DAZAP1: variants seen among roughly 807,000 people sequenced by gnomAD.
DAZAP1 encodes the protein DAZ associated protein 1.
Under a neutral mutation model 60.1 loss-of-function variants are expected in DAZAP1, and 6 were observed. The ratio of observed to expected loss-of-function variants is 0.10; its 90% CI spans 0.05 to 0.20. The LOEUF (loss-of-function observed/expected upper bound fraction) is 0.20. Ranked by LOEUF, DAZAP1 falls within the 10% of genes least tolerant of loss-of-function variation. The pLI, the probability that DAZAP1 is intolerant of heterozygous loss-of-function variation, is 1.00. For missense variants in DAZAP1, 366 were observed against 560.4 expected (o/e 0.65, Z 3.50); for synonymous variants, 235 against 215.9 (o/e 1.09, Z -0.78).
chr19:1,429,147 G>A (rs929804635), intron 8 of DAZAP1, 152 bp downstream of exon 8: 23 of 1,086,782 alleles, frequency 2.1e-5, no homozygotes, highest in South Asian at 7.5e-5. Flanking sequence ...GCGAGGTGCC[G>A]GCTGACAGCC....
chr19:1,434,609 C>A lies in DAZAP1; in HGVS notation c.1049-128C>A. ...GCCCAGGTGCTGGCCTCAGAAGGGC[C>A]CCACCCGCACCCCGTGGGACCCGTG... On this transcript the variant is annotated intron_variant, in intron 11 of 11. Transcript: ENST00000233078. The surrounding 1 kb of genome is among the most constrained non-coding windows in gnomAD (Gnocchi z 8.0). 1 of 939,990 alleles carries A rather than the reference C, an allele frequency of 1.1e-6. No homozygotes were observed. Among genetic ancestry groups the A allele is most frequent in the Non-Finnish European group, 1.6e-6 (1 of 623,790 alleles). The allele number at this position is 939,990 out of a possible 1,614,324, so 58.2% of individuals were successfully genotyped here. A position where few individuals can be genotyped will look rare whatever the true frequency, so the allele number is the denominator to read the frequency against.
At position 1,433,414 on chromosome 19, in the gene DAZAP1, G is replaced by A. The variant is rs2083505856; in HGVS notation, c.1048+724G>A. On this transcript the variant is annotated intron_variant, in intron 11 of 11. Transcript: ENST00000233078. This position sits in a 1 kb window ranked among gnomAD's most constrained non-coding sequence, Gnocchi z 6.1. ...CACAAGCAGGGTTTGAGAACATGGG[G>A]CACCTGTCTGCAGGTGGCCACGGGC... 2.7e-6 allele frequency: 1 copy of A among 367,840 alleles called. No individual in the cohort carries two copies. The highest frequency in any genetic ancestry group is 5.1e-6 in the Non-Finnish European group (1 of 196,222). The allele number at this position is 367,840 out of a possible 1,614,324, so 22.8% of individuals were successfully genotyped here.
rs183832974 is a variant in DAZAP1 at position 1,410,946 on chromosome 19, C to T, written c.29+3144C>T. 1.3e-3 allele frequency among the ~76,000 whole-genome samples: 201 copies of T among 152,314 alleles called. 2 individuals are homozygous for T. The highest frequency in any genetic ancestry group is 2.3e-3 in the Non-Finnish European group (159 of 68,020). Reference sequence around the variant, plus strand: ...CTTCGAGGATACCCAGGACTGTGGCCGGGGGCCATGCAGCTCAGAGCCAGG... The same window carrying T: ...CTTCGAGGATACCCAGGACTGTGGCTGGGGGCCATGCAGCTCAGAGCCAGG... On this transcript the variant is annotated intron_variant, in intron 1 of 11. Transcript: ENST00000233078.
chr19:1,420,982 TCAG>T (rs1479373006), intron 4 of DAZAP1, among the ~76,000 whole-genome samples, 163 bp from the exon 5 acceptor site: 1 of 152,220 alleles, frequency 6.6e-6, no homozygotes, highest in Non-Finnish European at 1.5e-5. Context: ...AGAAAGTGTC[TCAG>T]CAGAGCCCAG....
Position 1,434,356 on chromosome 19 carries a change from C to T in DAZAP1, c.1049-381C>T, listed in dbSNP as rs980268549. The T allele has an allele frequency of 6.4e-5, 14 of 218,886 alleles. No homozygotes were observed. The highest frequency in any genetic ancestry group is 1.1e-4 in the Admixed American group (2 of 18,810). 13.6% of individuals were successfully genotyped at this position (218,886 alleles called of 1,614,324 possible). Reference sequence around the variant, plus strand: ...GCCCGTCAGGGGTTTTCTGAAACTCCGAGAGCCAGCTTTCTAGAAGCCTGG... The same window carrying T: ...GCCCGTCAGGGGTTTTCTGAAACTCTGAGAGCCAGCTTTCTAGAAGCCTGG... On this transcript the variant is annotated intron_variant, in intron 11 of 11. Transcript: ENST00000233078. This position sits in a 1 kb window ranked among gnomAD's most constrained non-coding sequence, Gnocchi z 8.0.
rs1338771527 is a variant in DAZAP1 at position 1,422,404 on chromosome 19, C to T, written c.463+8C>T. 6.2e-7 allele frequency: 1 copy of T among 1,613,592 alleles called. No homozygotes were observed. Among genetic ancestry groups the T allele is most frequent in the Admixed American group, 1.7e-5 (1 of 60,000 alleles). ...AGAAGCAGAGGCCCCGAGGTAAGGG[C>T]AGATCTAGTTTGACCTCGGCCTTCT... On this transcript the variant is annotated splice_region_variant and intron_variant, in intron 6 of 11. Transcript: ENST00000233078. The surrounding 1 kb of genome is among the most constrained non-coding windows in gnomAD (Gnocchi z 4.5).
At chr19:1,424,876 G>A (rs1238034281) in intron 6 of DAZAP1, among the ~76,000 whole-genome samples, 1 of 152,176 alleles carries the variant, frequency 6.6e-6, no homozygotes, top group Non-Finnish European at 1.5e-5. Context: ...AGGACGGTGT[G>A]CTTTGCGGTG....
intron 5 of DAZAP1, among the ~76,000 whole-genome samples, chr19:1,421,823 G>A (rs1473407596): frequency 6.6e-6 from 1 of 152,210 alleles, no homozygotes; most frequent in Non-Finnish European, 1.5e-5. Flanking sequence ...CCTGAGTACT[G>A]CGCACGTTCA....
In DAZAP1 at chr19:1,428,929, C is replaced by T; in HGVS notation, c.634C>T (p.Pro212Ser). The T allele has an allele frequency of 6.2e-7, 1 of 1,612,374 alleles. No homozygotes were observed. The highest frequency in any genetic ancestry group is 8.5e-7 in the Non-Finnish European group (1 of 1,179,612). Residue 212 changes from proline (P) to serine (S), a missense_variant, in exon 8 of 12, where the codon CCC becomes TCC. This residue lies in a region of DAZAP1 where 240 missense variants were observed against 308.8 expected (regional missense o/e 0.78). Coordinates refer to ENST00000233078, the MANE Select transcript of DAZAP1 (RefSeq NM_018959.4). This position sits in a 1 kb window ranked among gnomAD's most constrained non-coding sequence, Gnocchi z 4.0. ...GASQWGSRVV[P>S]NAANGWAGQP... ...CAGCCAGTGGGGGAGCCGGGTTGTG[C>T]CCAACGCTGCCAATGGCTGGGCAGG... is the stretch of plus-strand genomic sequence containing the variant.
At chr19:1,409,948 C>G (rs981718744) in intron 1 of DAZAP1, 1 of 152,360 alleles carries the variant, frequency 6.6e-6, no homozygotes, top group African/African-American at 2.4e-5. Flanking sequence ...CGCCGGACCC[C>G]GCTTGGAGGG....
rs1430069049 is a variant in DAZAP1 at position 1,434,246 on chromosome 19, G to A, written c.1049-491G>A. On this transcript the variant is annotated intron_variant, in intron 11 of 11. Transcript: ENST00000233078. This position sits in a 1 kb window ranked among gnomAD's most constrained non-coding sequence, Gnocchi z 8.0. ...GGGCCCAGAAACCCTTCCCTGACAC[G>A]TGCCACCGATGGACGTGCCCTGACA... is the stretch of plus-strand genomic sequence containing the variant. 3 of 213,606 alleles carry A rather than the reference G, an allele frequency of 1.4e-5. No homozygotes were observed. Among genetic ancestry groups the A allele is most frequent in the Non-Finnish European group, 2.8e-5 (3 of 105,650 alleles). The allele number at this position is 213,606 out of a possible 1,614,324, so 13.2% of individuals were successfully genotyped here. A position where few individuals can be genotyped will look rare whatever the true frequency, so the allele number is the denominator to read the frequency against.
intron 7 of DAZAP1, chr19:1,427,991 T>C (rs1384403237): frequency 6.6e-6 from 1 of 152,206 alleles, no homozygotes. Flanking sequence ...GGGGGATCTT[T>C]CTGTTGTTAG....
chr19:1,431,031 T>A (rs2083438143), intron 10 of DAZAP1, among the ~76,000 whole-genome samples: 1 of 151,678 alleles, frequency 6.6e-6, no homozygotes, highest in Non-Finnish European at 1.5e-5. Flanking sequence ...TCACAGGCTC[T>A]AATTCTTGAC....
In DAZAP1 at chr19:1,422,306, G is replaced by T; in HGVS notation, c.415-42G>T. The stretch of plus-strand genomic sequence containing the variant: ...GTGCCCTCGGAAGACCACCTGTGGT[G>T]CTGGCCCTGGTGTCCGTGCTGACGC... On this transcript the variant is annotated intron_variant, in intron 5 of 11. Transcript: ENST00000233078. This position sits in a 1 kb window ranked among gnomAD's most constrained non-coding sequence, Gnocchi z 4.5. 2.5e-6 allele frequency: 4 copies of T among 1,596,574 alleles called. No individual in the cohort carries two copies. The highest frequency in any genetic ancestry group is 3.4e-6 in the Non-Finnish European group (4 of 1,164,804).
chr19:1,433,849 A>G lies in DAZAP1; in HGVS notation c.1049-888A>G. 6.2e-7 allele frequency: 1 copy of G among 1,607,216 alleles called. No homozygotes were observed. The highest frequency in any genetic ancestry group is 1.3e-5 in the African/African-American group (1 of 74,894). ...CTAGGTAGGTGCCGCCTCCTTCTCCAGGGTCCTCCCACCCGCCTGCACCGG... is the reference window on the plus strand; with the variant it reads ...CTAGGTAGGTGCCGCCTCCTTCTCCGGGGTCCTCCCACCCGCCTGCACCGG... On this transcript the variant is annotated intron_variant, in intron 11 of 11. Transcript: ENST00000233078. The surrounding 1 kb of genome is among the most constrained non-coding windows in gnomAD (Gnocchi z 6.1).
chr19:1,430,490 C>G, intron 10 of DAZAP1, 128 bp downstream of exon 10: 1 of 844,292 alleles, frequency 1.2e-6, no homozygotes. Context: ...GGCTGGTCAG[C>G]AGGTCACCTG....
chr19:1,434,321 C>G lies in DAZAP1; in HGVS notation c.1049-416C>G, dbSNP rs956173897. 16 of 208,474 alleles carry G rather than the reference C, an allele frequency of 7.7e-5. No homozygotes were observed. Among genetic ancestry groups the G allele is most frequent in the Non-Finnish European group, 1.5e-4 (15 of 102,318 alleles). The allele number at this position is 208,474 out of a possible 1,614,324, so 12.9% of individuals were successfully genotyped here. ...TGCGACGGAGGGGCAGGCCCTGTAT[C>G]GCTGCAAGGGCCCGTCAGGGGTTTT... On this transcript the variant is annotated intron_variant, in intron 11 of 11. Transcript: ENST00000233078. This position sits in a 1 kb window ranked among gnomAD's most constrained non-coding sequence, Gnocchi z 8.0.
rs3786975 is a variant in DAZAP1 at position 1,410,352 on chromosome 19, T to C, written c.29+2550T>C. Reference sequence around the variant, plus strand: ...GTGGGTTTGGCACGCGGACCCTACATGGTGGATGTGATGGACAGTGTCCTC... The same window carrying C: ...GTGGGTTTGGCACGCGGACCCTACACGGTGGATGTGATGGACAGTGTCCTC... On this transcript the variant is annotated intron_variant, in intron 1 of 11. Coordinates refer to ENST00000233078, the MANE Select transcript of DAZAP1 (RefSeq NM_018959.4). 2.0e-5 allele frequency among the ~76,000 whole-genome samples: 3 copies of C among 152,010 alleles called. No homozygotes were observed. The East Asian group carries it at 5.8e-4, about 29-fold the overall frequency.
rs1043102019 is a variant in DAZAP1 at position 1,425,687 on chromosome 19, CTG to C, written c.464-189_464-188del. Among the ~76,000 whole-genome samples the C allele has an allele frequency of 2.6e-5, 4 of 152,208 alleles. No homozygotes were observed. Among genetic ancestry groups the C allele is most frequent in the Non-Finnish European group, 4.4e-5 (3 of 68,024 alleles). On this transcript the variant is annotated intron_variant, in intron 6 of 11. Coordinates refer to ENST00000233078, the MANE Select transcript of DAZAP1 (RefSeq NM_018959.4). The surrounding 1 kb of genome is among the most constrained non-coding windows in gnomAD (Gnocchi z 5.4). Reference sequence around the variant, plus strand: ...TCACCGGGAGTGCGGACGTCACCGTCTGTCCACTCCGTGTGCAGTCGAGTGGT... The same window carrying C: ...TCACCGGGAGTGCGGACGTCACCGTCTCCACTCCGTGTGCAGTCGAGTGGT...
Sources: allele counts gnomAD v4.1 joint callset (sites outside exome capture counted in the v4.1 genomes callset), GRCh38; gene constraint gnomAD v4.1.1; regional missense constraint gnomAD v4.1.1; non-coding constraint Gnocchi (gnomAD v3.1); transcripts MANE v1.5; gene names NCBI Gene and HGNC (gene_info 2026-07-23, HGNC 2026-07-21).